TRAM2: variants seen among roughly 807,000 people sequenced by gnomAD.
TRAM2 encodes translocating chain-associated membrane protein 2.
A neutral mutation model predicts 51.0 loss-of-function variants in TRAM2; 12 were observed. That is an observed-to-expected ratio of 0.24 (90% CI 0.15 to 0.38). TRAM2 has a LOEUF of 0.38. Ranked by LOEUF, TRAM2 falls within the 10% of genes least tolerant of loss-of-function variation. TRAM2 has a pLI of 1.00. For missense variants in TRAM2, 361 were observed against 462.0 expected, an observed-to-expected ratio of 0.78 and a Z score of 2.00; for synonymous variants, 175 against 179.4, an observed-to-expected ratio of 0.98 and a Z score of 0.20.
intron 1 of TRAM2, among the ~76,000 whole-genome samples, chr6:52,542,766 T>C (rs566718411): frequency 4.6e-5 from 7 of 152,338 alleles, no homozygotes; most frequent in Non-Finnish European, 1.0e-4. Flanking sequence ...ACAATAAAAT[T>C]ATATTACTTG....
At chr6:52,515,937 G>T in intron 4 of TRAM2, 69 bp downstream of exon 4, 2 of 1,350,428 alleles carry the variant, frequency 1.5e-6, no homozygotes, top group African/African-American at 1.5e-5. Context: ...CATTTGATTA[G>T]CAATCCCAGA....
At chr6:52,542,194 AG>A (rs1767108393) in intron 1 of TRAM2, among the ~76,000 whole-genome samples, 1 of 151,944 alleles carries the variant, frequency 6.6e-6, no homozygotes, top group Non-Finnish European at 1.5e-5. Context: ...GGAAGTGAAT[AG>A]GAAAATTTCA....
At chr6:52,533,073 T>C (rs1337635401) in intron 2 of TRAM2, among the ~76,000 whole-genome samples, 1 of 50,026 alleles carries the variant, frequency 2.0e-5, no homozygotes, top group East Asian at 4.5e-4. Context: ...GAAAATGGAA[T>C]GGGGGCTGTT....
At chr6:52,575,520 G>T (rs1031133698) in intron 1 of TRAM2, among the ~76,000 whole-genome samples, 2 of 148,036 alleles carry the variant, frequency 1.4e-5, no homozygotes, top group Non-Finnish European at 3.0e-5. Flanking sequence ...CTCAGCCACG[G>T]ACACATTCAT....
At chr6:52,524,982 A>G (rs1766749776) in intron 2 of TRAM2, 1 of 152,274 alleles carries the variant, frequency 6.6e-6, no homozygotes, top group Non-Finnish European at 1.5e-5. Context: ...ATCAGACGCT[A>G]AAGGAACAGA....
intron 1 of TRAM2, among the ~76,000 whole-genome samples, chr6:52,554,165 AC>A (rs1375855494): frequency 6.6e-6 from 1 of 151,888 alleles, no homozygotes; most frequent in African/African-American, 2.4e-5. Flanking sequence ...CCCTGTCCCC[AC>A]CGCCTGTTTG....
chr6:52,553,330 T>C (rs2143829), intron 1 of TRAM2, among the ~76,000 whole-genome samples: 63,245 of 152,080 alleles, frequency 0.42, 13,571 homozygotes, highest in Admixed American at 0.53. Flanking sequence ...TCATTAATAC[T>C]ATATGAAGGC....
intron 1 of TRAM2, among the ~76,000 whole-genome samples, chr6:52,541,725 T>C (rs1436679584): frequency 6.6e-6 from 1 of 151,814 alleles, no homozygotes; most frequent in East Asian, 1.9e-4. Flanking sequence ...TCACCAAAGA[T>C]AAAAGAGAAG....
chr6:52,505,948 G>A, intron 8 of TRAM2, 84 bp downstream of exon 8: 3 of 1,502,802 alleles, frequency 2.0e-6, no homozygotes, highest in Non-Finnish European at 2.8e-6. Context: ...TGTGCAACCA[G>A]GGAGGGACCC....
chr6:52,575,669 GCCAT>G (rs2114114260), intron 1 of TRAM2, among the ~76,000 whole-genome samples: 1 of 152,242 alleles, frequency 6.6e-6, no homozygotes, highest in South Asian at 2.1e-4. Flanking sequence ...AGCCAGGCAA[GCCAT>G]CCTCCATCTC....
intron 1 of TRAM2, among the ~76,000 whole-genome samples, chr6:52,552,792 T>C (rs1267740371): frequency 6.6e-6 from 1 of 152,190 alleles, no homozygotes; most frequent in Non-Finnish European, 1.5e-5. Flanking sequence ...ACCTACATAG[T>C]GCATGATTAA....
At chr6:52,559,878 C>A (rs1334119227) in intron 1 of TRAM2, among the ~76,000 whole-genome samples, 1 of 151,754 alleles carries the variant, frequency 6.6e-6, no homozygotes, top group Non-Finnish European at 1.5e-5. Flanking sequence ...TTTTTTCCCC[C>A]AAAACAGAAT....
intron 1 of TRAM2, among the ~76,000 whole-genome samples, chr6:52,558,311 C>T (rs1581699894): frequency 1.3e-5 from 2 of 152,140 alleles, no homozygotes; most frequent in Admixed American, 6.5e-5. Context: ...AAAAGCCCCC[C>T]ACGTCCAGTC....
chr6:52,573,616 C>T (rs1273590415), intron 1 of TRAM2, among the ~76,000 whole-genome samples: 2 of 152,102 alleles, frequency 1.3e-5, no homozygotes, highest in Non-Finnish European at 2.9e-5. Context: ...ATTGGGGTAG[C>T]AATAGGGGTG....
At chr6:52,531,062 G>A (rs1318182114) in intron 2 of TRAM2, among the ~76,000 whole-genome samples, 2 of 135,278 alleles carry the variant, frequency 1.5e-5, no homozygotes, top group African/African-American at 2.8e-5. Context: ...GTTGAGTTGA[G>A]CAAGCTATAC....
intron 2 of TRAM2, among the ~76,000 whole-genome samples, chr6:52,526,205 ACACG>A (rs1766778632): frequency 1.4e-5 from 2 of 147,582 alleles, no homozygotes; most frequent in African/African-American, 5.0e-5. Flanking sequence ...ACACACACAC[ACACG>A]CCAGAGAATT....
intron 1 of TRAM2, among the ~76,000 whole-genome samples, chr6:52,568,149 G>A (rs778602208): frequency 1.1e-4 from 17 of 152,132 alleles, no homozygotes; most frequent in Non-Finnish European, 2.4e-4. Flanking sequence ...CCCTGTCCTC[G>A]CCCCTTTCAC....
rs6778 is a variant in TRAM2 at position 52,497,607 on chromosome 6, G to A, written c.*5590C>T. ...TTTTTTACATGAAAGCATAAATACGGCAGGTACAAATTTTCCTTGAGTTCC... is the reference window on the plus strand; with the variant it reads ...TTTTTTACATGAAAGCATAAATACGACAGGTACAAATTTTCCTTGAGTTCC... On this transcript the variant is annotated 3_prime_UTR_variant, in exon 11 of 11. Coordinates refer to ENST00000182527, the MANE Select transcript of TRAM2 (RefSeq NM_012288.4). 0.18 allele frequency: 27,525 copies of A among 152,246 alleles called. 2,945 individuals are homozygous for A. Among genetic ancestry groups the A allele is most frequent in the Non-Finnish European group, 0.24 (16,574 of 67,940 alleles). The allele number at this position is 152,246 out of a possible 1,614,324, so 9.4% of individuals were successfully genotyped here. A position where few individuals can be genotyped will look rare whatever the true frequency, so the allele number is the denominator to read the frequency against.
Position 52,506,118 on chromosome 6 carries a change from C to G in TRAM2, c.645G>C (p.Leu215=). 1 of 1,614,022 alleles carries G rather than the reference C, an allele frequency of 6.2e-7. No homozygotes were observed. Among genetic ancestry groups the G allele is most frequent in the Non-Finnish European group, 8.5e-7 (1 of 1,180,048 alleles). ...TTGAGTACTGCAGCAGCAGCAAGAT[C>G]AGGCCCAGGCGGCTCAGGCTGGGGG... is the stretch of plus-strand genomic sequence containing the variant. ...AYLLNLSRLG[L]ILLLLQYSTE... Residue 215 remains leucine (L), a synonymous_variant, in exon 8 of 11, where the codon CTG becomes CTC. Coordinates refer to ENST00000182527, the MANE Select transcript of TRAM2 (RefSeq NM_012288.4).
Sources: gnomAD v4.1 joint callset for allele counts (sites outside exome capture counted in the v4.1 genomes callset) on GRCh38, gnomAD v4.1.1 for gene constraint, MANE v1.5 for transcripts, NCBI Gene and HGNC (gene_info 2026-07-23, HGNC 2026-07-21) for gene names.